The following ZNF320 variants were observed in gnomAD, a reference collection of about 807,000 sequenced individuals.
The protein encoded by ZNF320 is zinc finger gene 320.
In ZNF320, 2 loss-of-function variants were observed where a neutral mutation model predicts 6.8. The ratio of observed to expected loss-of-function variants is 0.29; its 90% CI spans 0.12 to 0.93. The LOEUF (loss-of-function observed/expected upper bound fraction) is 0.93, where lower values mean the gene tolerates loss of function less well. Among genes scored for constraint, ZNF320 ranks in the 40% least tolerant of loss-of-function variants. ZNF320 has a pLI of 0.55. For synonymous variants in ZNF320, 208 were observed against 203.2 expected (o/e 1.02, Z -0.20); for missense variants, 472 against 611.0 (o/e 0.77, Z 2.40).
chr19:52,870,729 G>C (rs2063666465), intron 5 of ZNF320, among the ~76,000 whole-genome samples: 1 of 149,388 alleles, frequency 6.7e-6, no homozygotes, highest in Non-Finnish European at 1.5e-5. Flanking sequence ...TCTCACTACT[G>C]TACTCCAGCC....
downstream of ZNF320, among the ~76,000 whole-genome samples, chr19:52,859,809 T>A (rs376812252): frequency 4.9e-4 from 74 of 152,252 alleles, no homozygotes; most frequent in African/African-American, 1.6e-3. Flanking sequence ...TGTTTTTTTT[T>A]AAATTGATAT....
exon 6 of ZNF320, among the ~76,000 whole-genome samples, chr19:52,861,197 T>C (rs2063485250): frequency 6.6e-6 from 1 of 152,148 alleles, no homozygotes; most frequent in South Asian, 2.1e-4. Context: ...CAGCAAAAAT[T>C]AGTTGAATTT....
At chr19:52,898,648 C>A (rs2147913864), upstream of ZNF320, among the ~76,000 whole-genome samples, 1 of 152,320 alleles carries the variant, frequency 6.6e-6, no homozygotes, top group East Asian at 1.9e-4. Context: ...TGCACAATTT[C>A]TGTCCTTTTT....
exon 6 of ZNF320, chr19:52,862,743 C>T: frequency 2.5e-6 from 1 of 404,996 alleles, no homozygotes; most frequent in Non-Finnish European, 4.9e-6. Flanking sequence ...TTTTCACAAA[C>T]CTTACATTTG....
Position 52,876,185 on chromosome 19 carries a change from C to T in ZNF320, c.*4411G>A, listed in dbSNP as rs2063761951. ...AAGAAGATGGAATAATAGGCTACTT[C>T]AACTAAATTTTAATGTTAGCATAAA... On this transcript the variant is annotated 3_prime_UTR_variant, in exon 6 of 6. Coordinates refer to ENST00000682928, the MANE Select transcript of ZNF320 (RefSeq NM_001351774.2). 6.6e-6 allele frequency: 1 copy of T among 152,126 alleles called. No individual in the cohort carries two copies. Among genetic ancestry groups the T allele is most frequent in the Non-Finnish European group, 1.5e-5 (1 of 68,024 alleles). 9.4% of individuals were successfully genotyped at this position (152,126 alleles called of 1,614,324 possible).
At position 52,880,552 on chromosome 19, in the gene ZNF320, T is replaced by G. The variant is rs957015760; in HGVS notation, c.*44A>C. The G allele has an allele frequency of 2.0e-6, 3 of 1,531,134 alleles. No homozygotes were observed. The highest frequency in any genetic ancestry group is 3.9e-5 in the Admixed American group (2 of 50,826). 94.8% of individuals were successfully genotyped at this position (1,531,134 alleles called of 1,614,324 possible). A position where few individuals can be genotyped will look rare whatever the true frequency, so the allele number is the denominator to read the frequency against. ...TGTCGATTAATGCTTGAAATCAATG[T>G]TAAGTCAACTCAAACTCAGGTCAAT... On this transcript the variant is annotated 3_prime_UTR_variant, in exon 6 of 6. Coordinates refer to ENST00000682928, the MANE Select transcript of ZNF320 (RefSeq NM_001351774.2).
chr19:52,891,460 A>G (rs1226443304), intron 2 of ZNF320, 114 bp from the exon 3 acceptor site: 1 of 145,312 alleles, frequency 6.9e-6, no homozygotes, highest in African/African-American at 2.5e-5. Context: ...GTGGGAGGGC[A>G]TGGGAGACAG....
intron 5 of ZNF320, among the ~76,000 whole-genome samples, chr19:52,882,235 C>A (rs751183882): frequency 3.2e-4 from 49 of 151,964 alleles, no homozygotes; most frequent in Non-Finnish European, 6.5e-4. Context: ...CACACATAAG[C>A]CTAAAGTAAG....
At chr19:52,868,517 A>G (rs1385553085) in intron 5 of ZNF320, among the ~76,000 whole-genome samples, 1 of 152,080 alleles carries the variant, frequency 6.6e-6, no homozygotes, top group Admixed American at 6.6e-5. Context: ...AAAAAAAAAA[A>G]AATCTGGAGG....
In ZNF320 at chr19:52,884,731, C is replaced by T. The variant is rs183181563; in HGVS notation, c.143-2748G>A. 5.0e-4 allele frequency among the ~76,000 whole-genome samples: 76 copies of T among 152,276 alleles called. 1 individual carries two copies. The East Asian group carries it at 0.014, about 27-fold the overall frequency. ...TCTTTGAAAGTGCTAGGATTAGAGG[C>T]ATGAGCCACCGTGGCCAGTCAGTCT... On this transcript the variant is annotated intron_variant, in intron 5 of 5. Transcript: ENST00000682928.
At chr19:52,889,059 A>G (rs1600643104) in intron 4 of ZNF320, among the ~76,000 whole-genome samples, 1 of 151,924 alleles carries the variant, frequency 6.6e-6, no homozygotes, top group East Asian at 1.9e-4. Flanking sequence ...TGGCACGCAC[A>G]TGGAGTCCCA....
chr19:52,862,206 G>T, exon 6 of ZNF320: 1 of 493,872 alleles, frequency 2.0e-6, no homozygotes, highest in South Asian at 1.7e-5. Context: ...TGGATTGCCT[G>T]ATGGATGGTG....
chr19:52,880,590 C>G lies in ZNF320; in HGVS notation c.*6G>C. 6.3e-6 allele frequency: 10 copies of G among 1,587,354 alleles called. No homozygotes were observed. The highest frequency in any genetic ancestry group is 8.6e-6 in the Non-Finnish European group (10 of 1,168,724). On this transcript the variant is annotated 3_prime_UTR_variant, in exon 6 of 6. Coordinates refer to ENST00000682928, the MANE Select transcript of ZNF320 (RefSeq NM_001351774.2). ...AACTCAGGTCAATGCTGATTTGACTCTGATGTCAATTAATGCTTGATGGTT... is the reference window on the plus strand; with the variant it reads ...AACTCAGGTCAATGCTGATTTGACTGTGATGTCAATTAATGCTTGATGGTT...
At chr19:52,896,177 C>T (rs572511213) in intron 1 of ZNF320, among the ~76,000 whole-genome samples, 19 of 152,194 alleles carry the variant, frequency 1.2e-4, no homozygotes, top group South Asian at 6.2e-4. Flanking sequence ...ACTGCAACCT[C>T]CCCCTCCCTG....
rs1222794792 is a variant in ZNF320 at position 52,885,624 on chromosome 19, G to A, written c.142+2503C>T. On this transcript the variant is annotated intron_variant, in intron 5 of 5. Coordinates refer to ENST00000682928, the MANE Select transcript of ZNF320 (RefSeq NM_001351774.2). Reference sequence around the variant, plus strand: ...CCAGCTACTCAGGAGGCTGAGGCAGGAGAACTGCTTGAACCTGGGAGGTGG... The same window carrying A: ...CCAGCTACTCAGGAGGCTGAGGCAGAAGAACTGCTTGAACCTGGGAGGTGG... Among the ~76,000 whole-genome samples, 7 of 152,168 alleles carry A rather than the reference G, an allele frequency of 4.6e-5. No individual in the cohort carries two copies. The East Asian group carries it at 1.3e-3, about 29-fold the overall frequency.
intron 5 of ZNF320, among the ~76,000 whole-genome samples, chr19:52,867,189 A>ATTT (rs1568695487): frequency 3.8e-4 from 56 of 149,224 alleles, no homozygotes; most frequent in African/African-American, 7.4e-4. Context: ...TTAATTAATT[A>ATTT]ATTTATTTAT....
chr19:52,860,606 A>AAAAAG (rs1045030153), downstream of ZNF320, among the ~76,000 whole-genome samples: 3 of 149,356 alleles, frequency 2.0e-5, no homozygotes, highest in African/African-American at 7.7e-5. Context: ...TCAAAAAAAA[A>AAAAAG]AAAAGAAAAA....
chr19:52,870,476 T>TAA (rs2063660404), intron 5 of ZNF320, among the ~76,000 whole-genome samples: 1 of 29,174 alleles, frequency 3.4e-5, no homozygotes, highest in Non-Finnish European at 8.2e-5. Context: ...AGACTCCGTC[T>TAA]CAAAAAAAAA....
chr19:52,878,207 T>G lies in ZNF320; in HGVS notation c.*2389A>C. On this transcript the variant is annotated 3_prime_UTR_variant, in exon 6 of 6. Coordinates refer to ENST00000682928, the MANE Select transcript of ZNF320 (RefSeq NM_001351774.2). ...GACAGTTGTACCTATAAAACTTATGTGGATGGTCTGCCTGCCACTCTGTGC... is the reference window on the plus strand; with the variant it reads ...GACAGTTGTACCTATAAAACTTATGGGGATGGTCTGCCTGCCACTCTGTGC... 5.7e-6 allele frequency: 1 copy of G among 175,676 alleles called. No homozygotes were observed. Among genetic ancestry groups the G allele is most frequent in the Non-Finnish European group, 1.2e-5 (1 of 81,222 alleles). The allele number at this position is 175,676 out of a possible 1,614,324, so 10.9% of individuals were successfully genotyped here. A position where few individuals can be genotyped will look rare whatever the true frequency, so the allele number is the denominator to read the frequency against.
Sources: allele counts gnomAD v4.1 joint callset (sites outside exome capture counted in the v4.1 genomes callset), GRCh38; gene constraint gnomAD v4.1.1; transcripts MANE v1.5; gene names NCBI Gene and HGNC (gene_info 2026-07-23, HGNC 2026-07-21).